UNC13C: variants seen among roughly 807,000 people sequenced by gnomAD.
The protein encoded by UNC13C is protein unc-13 homolog C.
In UNC13C, 174 loss-of-function variants were observed where a neutral mutation model predicts 245.4. The ratio of observed to expected loss-of-function variants is 0.71; its 90% confidence interval spans 0.63 to 0.80. UNC13C has a LOEUF of 0.80. UNC13C is among the 30% of genes least tolerant of loss of function. The pLI is 0.00. For missense variants in UNC13C, 2,829 were observed against 2,602.9 expected, an observed-to-expected ratio of 1.09 and a Z score of -1.89; for synonymous variants, 992 against 895.1, an observed-to-expected ratio of 1.11 and a Z score of -1.93.
intron 17 of UNC13C, among the ~76,000 whole-genome samples, chr15:54,366,892 C>T (rs1380241435): frequency 2.0e-5 from 3 of 152,098 alleles, no homozygotes; most frequent in Admixed American, 2.0e-4. Flanking sequence ...GCCCTAACAT[C>T]CCTGTTACAG....
intron 30 of UNC13C, among the ~76,000 whole-genome samples, chr15:54,573,024 C>G (rs1159018401): frequency 6.6e-6 from 1 of 151,964 alleles, no homozygotes; most frequent in Non-Finnish European, 1.5e-5. Flanking sequence ...AAGCCAATAA[C>G]TTATAATCAA....
chr15:54,250,841 C>G (rs1323784025), intron 8 of UNC13C, among the ~76,000 whole-genome samples: 3 of 142,314 alleles, frequency 2.1e-5, no homozygotes, highest in Admixed American at 1.5e-4. Context: ...ACTGCAAGCT[C>G]TGCCTCCTGG....
chr15:54,614,984 A>G (rs1267345634), intron 30 of UNC13C, among the ~76,000 whole-genome samples: 5 of 151,940 alleles, frequency 3.3e-5, no homozygotes, highest in African/African-American at 1.2e-4. Context: ...GTTCTATAGA[A>G]TTTTTGTTTC....
At chr15:54,424,391 T>C (rs1430690586) in intron 19 of UNC13C, among the ~76,000 whole-genome samples, 1 of 151,804 alleles carries the variant, frequency 6.6e-6, no homozygotes, top group East Asian at 1.9e-4. Context: ...TAGGAAACCA[T>C]GGTTTTTTTT....
intron 4 of UNC13C, among the ~76,000 whole-genome samples, chr15:54,227,587 G>A (rs138637650): frequency 6.6e-6 from 1 of 152,284 alleles, no homozygotes; most frequent in Non-Finnish European, 1.5e-5. Context: ...TTCCCTGAGT[G>A]CACACACACC....
At chr15:54,512,877 A>G (rs2141118867) in intron 24 of UNC13C, among the ~76,000 whole-genome samples, 1 of 152,256 alleles carries the variant, frequency 6.6e-6, no homozygotes, top group East Asian at 1.9e-4. Context: ...ATGTTTTTAC[A>G]CTTCTCCAAT....
rs553602913 is a variant in UNC13C at position 53,993,756 on chromosome 15, G to A, written c.-257+14829G>A. On this transcript the variant is annotated intron_variant, in intron 1 of 32. Coordinates refer to ENST00000260323, the MANE Select transcript of UNC13C (RefSeq NM_001080534.3). ...AGAAAATAGCAGATTGTGGTCCCACGATCTGTGGTGTCAAAGATAGTCTCT... is the reference window on the plus strand; with the variant it reads ...AGAAAATAGCAGATTGTGGTCCCACAATCTGTGGTGTCAAAGATAGTCTCT... Among the ~76,000 whole-genome samples the A allele has an allele frequency of 5.3e-5, 8 of 152,070 alleles. No homozygotes were observed. The South Asian group carries it at 8.3e-4, about 16-fold the overall frequency.
At chr15:54,130,308 T>TTTTTTTTTTTG (rs67637704) in intron 2 of UNC13C, among the ~76,000 whole-genome samples, 4 of 119,486 alleles carry the variant, frequency 3.3e-5, no homozygotes, top group African/African-American at 6.3e-5. Context: ...TTTTTTTTTT[T>TTTTTTTTTTTG]GTGAGACGGA....
intron 2 of UNC13C, among the ~76,000 whole-genome samples, chr15:54,133,123 A>T (rs1280317613): frequency 6.6e-5 from 10 of 152,176 alleles, no homozygotes; most frequent in Non-Finnish European, 4.4e-5. Context: ...GTGAAAATTC[A>T]CTACACATAC....
intron 17 of UNC13C, among the ~76,000 whole-genome samples, chr15:54,380,501 A>T (rs1162064698): frequency 6.6e-6 from 1 of 152,090 alleles, no homozygotes; most frequent in Non-Finnish European, 1.5e-5. Context: ...TGGTCAGCTG[A>T]ATCACATGGT....
intron 2 of UNC13C, among the ~76,000 whole-genome samples, chr15:54,063,577 A>G (rs1897941032): frequency 6.6e-6 from 1 of 152,036 alleles, no homozygotes; most frequent in Non-Finnish European, 1.5e-5. Context: ...GATTCAGAAC[A>G]TTGGAGTTTA....
Position 54,623,945 on chromosome 15 carries a change from C to T in UNC13C, c.6350C>T (p.Thr2117Ile), listed in dbSNP as rs752378148. Residue 2117 changes from threonine to isoleucine, a missense_variant, in exon 32 of 33, where the codon ACA (threonine) becomes ATA (isoleucine). Transcript: ENST00000260323. ...SNTWSPKYNE[T>I]FQFILGKENR... ...ACATGGTCACCAAAGTACAATGAAA[C>T]ATTTCAGTTGTAAGTCATAAACCCA... 1.2e-6 allele frequency: 2 copies of T among 1,613,030 alleles called. No homozygotes were observed. The highest frequency in any genetic ancestry group is 1.7e-6 in the Non-Finnish European group (2 of 1,179,270).
chr15:54,402,655 AATG>A (rs1280810533), intron 18 of UNC13C, among the ~76,000 whole-genome samples: 1 of 152,168 alleles, frequency 6.6e-6, no homozygotes, highest in Non-Finnish European at 1.5e-5. Context: ...AATTTATTCT[AATG>A]ATATCAGTAC....
chr15:54,490,552 T>C (rs1007806704), intron 19 of UNC13C, among the ~76,000 whole-genome samples: 1 of 152,092 alleles, frequency 6.6e-6, no homozygotes, highest in Non-Finnish European at 1.5e-5. Flanking sequence ...GCAAATGAAC[T>C]GAAGGTCTTG....
At chr15:54,155,174 T>C (rs2032689379) in intron 4 of UNC13C, among the ~76,000 whole-genome samples, 9 of 152,182 alleles carry the variant, frequency 5.9e-5, no homozygotes, top group Admixed American at 5.9e-4. Context: ...CACTCATGCA[T>C]GTGTGGTCAG....
the UNC13C span, among the ~76,000 whole-genome samples, chr15:53,867,539 A>G: frequency 6.6e-6 from 1 of 152,158 alleles, no homozygotes; most frequent in Non-Finnish European, 1.5e-5. Context: ...TCCACTGAAA[A>G]TCAATGTCTT....
intron 4 of UNC13C, among the ~76,000 whole-genome samples, chr15:54,207,193 C>T (rs1284410319): frequency 6.6e-6 from 1 of 151,798 alleles, no homozygotes; most frequent in African/African-American, 2.4e-5. Flanking sequence ...GAACAAAACT[C>T]ATGTTGAAAT....
chr15:53,902,850 A>G, the UNC13C span, among the ~76,000 whole-genome samples: 1 of 152,198 alleles, frequency 6.6e-6, no homozygotes, highest in Non-Finnish European at 1.5e-5. Flanking sequence ...TAATTTTGCA[A>G]TAATACAAGG....
At chr15:54,540,895 T>G (rs1041726087) in intron 26 of UNC13C, among the ~76,000 whole-genome samples, 1 of 152,064 alleles carries the variant, frequency 6.6e-6, no homozygotes, top group Non-Finnish European at 1.5e-5. Context: ...AAAGTGGAAA[T>G]TGTACATCTG....
Sources: gnomAD v4.1 joint callset for allele counts (sites outside exome capture counted in the v4.1 genomes callset) on GRCh38, gnomAD v4.1.1 for gene constraint, MANE v1.5 for transcripts, NCBI Gene and HGNC (gene_info 2026-07-23, HGNC 2026-07-21) for gene names.